KAT7: variants seen among roughly 807,000 people sequenced by gnomAD.
The protein encoded by KAT7 is histone acetyltransferase KAT7.
KAT7 carries 10 observed loss-of-function variants against 82.1 expected under a neutral mutation model. That is an observed-to-expected ratio of 0.12 (90% CI 0.08 to 0.21). The LOEUF (loss-of-function observed/expected upper bound fraction) is 0.21, where lower values mean the gene tolerates loss of function less well. Ranked by LOEUF, KAT7 falls within the 10% of genes least tolerant of loss-of-function variation. The probability of loss-of-function intolerance (pLI) is 1.00; values close to 1 mark genes in which losing one functional copy is unlikely to be tolerated. For missense variants in KAT7, 378 were observed against 760.9 expected (o/e 0.50, Z 5.92); for synonymous variants, 250 against 262.5 (o/e 0.95, Z 0.46).
intron 12 of KAT7, among the ~76,000 whole-genome samples, chr17:49,824,133 A>G (rs867817191): frequency 8.5e-5 from 13 of 152,194 alleles, no homozygotes; most frequent in African/African-American, 2.4e-4. Flanking sequence ...TGGTTGACCA[A>G]TATGTGACCA....
chr17:49,791,989 C>G lies in KAT7; in HGVS notation c.119C>G (p.Ala40Gly). The change falls in exon 2 of 15, where the codon GCT becomes GGT. Residue 40 changes from alanine to glycine, a missense_variant. Around this residue, in one of 6 missense-constraint regions of KAT7, gnomAD observed 161 missense variants for 229.6 expected, o/e 0.70. Coordinates refer to ENST00000259021, the MANE Select transcript of KAT7 (RefSeq NM_007067.5). ...SESDGTSRRS[A>G]RVTRSSARLS... The stretch of plus-strand genomic sequence containing the variant: ...AGTGATGGCACATCCCGACGATCTG[C>G]TCGAGTCACCCGCTCCTCAGCCAGG... 6.2e-7 allele frequency: 1 copy of G among 1,614,176 alleles called. No individual in the cohort carries two copies. The highest frequency in any genetic ancestry group is 8.5e-7 in the Non-Finnish European group (1 of 1,180,030).
chr17:49,815,773 C>G (rs983244954), intron 7 of KAT7, 30 bp from the exon 8 acceptor site: 2 of 1,261,036 alleles, frequency 1.6e-6, no homozygotes, highest in African/African-American at 2.9e-5. Context: ...CAGAGAGTAT[C>G]AGAGTATCAC....
intron 12 of KAT7, among the ~76,000 whole-genome samples, chr17:49,824,180 G>A (rs7218829): frequency 3.9e-5 from 6 of 152,112 alleles, no homozygotes; most frequent in African/African-American, 4.8e-5. Context: ...TGTATTTCCC[G>A]TAGGAGTAGT....
At chr17:49,805,592 G>T in intron 5 of KAT7, 147 bp downstream of exon 5, 1 of 491,020 alleles carries the variant, frequency 2.0e-6, no homozygotes. Context: ...AAAAAACAAT[G>T]TGCTTTTTTA....
chr17:49,825,278 G>T (rs757555051), intron 12 of KAT7, among the ~76,000 whole-genome samples: 1 of 152,130 alleles, frequency 6.6e-6, no homozygotes, highest in East Asian at 1.9e-4. Flanking sequence ...TTTACACCCC[G>T]CACTATCTCA....
intron 2 of KAT7, among the ~76,000 whole-genome samples, chr17:49,792,456 A>G (rs765842249): frequency 1.8e-4 from 28 of 151,880 alleles, no homozygotes; most frequent in Non-Finnish European, 3.8e-4. Context: ...TTAACTTTAC[A>G]GTGGTGCTAA....
In KAT7 at chr17:49,833,720, A is replaced by C. The variant is rs563319284; in HGVS notation, c.*6218A>C. The C allele has an allele frequency of 6.6e-6, 1 of 152,378 alleles. No homozygotes were observed. The highest frequency in any genetic ancestry group is 2.4e-5 in the African/African-American group (1 of 41,582). The allele number at this position is 152,378 out of a possible 1,614,324, so 9.4% of individuals were successfully genotyped here. The stretch of plus-strand genomic sequence containing the variant: ...TTCAACCCCGCCAGACTCCCAGCTG[A>C]ACGCACCCTCATGAGTGGCCCTTGC... On this transcript the variant is annotated 3_prime_UTR_variant, in exon 15 of 15. Transcript: ENST00000259021.
In KAT7 at chr17:49,797,253, C is replaced by T. The variant is rs182125771; in HGVS notation, c.340+327C>T. 2.3e-3 allele frequency among the ~76,000 whole-genome samples: 356 copies of T among 152,052 alleles called. 1 individual carries two copies. The highest frequency in any genetic ancestry group is 3.8e-3 in the Non-Finnish European group (260 of 68,000). On this transcript the variant is annotated intron_variant, in intron 3 of 14. Transcript: ENST00000259021. ...TAATTTTTTGTATTTTTAGTAGAGA[C>T]GGGGTTTCACTGTGTTAGTCAGGAT...
chr17:49,811,589 A>C lies in KAT7; in HGVS notation c.852+15A>C. The C allele has an allele frequency of 7.7e-7, 1 of 1,297,858 alleles. No individual in the cohort carries two copies. The highest frequency in any genetic ancestry group is 1.1e-6 in the Non-Finnish European group (1 of 945,276). The allele number at this position is 1,297,858 out of a possible 1,614,324, so 80.4% of individuals were successfully genotyped here. A position where few individuals can be genotyped will look rare whatever the true frequency, so the allele number is the denominator to read the frequency against. On this transcript the variant is annotated intron_variant, in intron 7 of 14. Transcript: ENST00000259021. ...AGAAATATATGGTGAGGGAAAGTTA[A>C]ATATTTAATGAGCATGAACTCCTGC...
At chr17:49,795,978 TAA>T (rs59446658) in intron 2 of KAT7, among the ~76,000 whole-genome samples, 4 of 149,016 alleles carry the variant, frequency 2.7e-5, no homozygotes, top group Non-Finnish European at 4.5e-5. Flanking sequence ...TGTCTCTTTA[TAA>T]AAAAAAAAGC....
rs2073982005 is a variant in KAT7 at position 49,798,341 on chromosome 17, T to C, written c.363T>C (p.His121=). The change falls in exon 4 of 15, where the codon CAT becomes CAC. Residue 121 remains histidine, a synonymous_variant. Transcript: ENST00000259021. ...SDRETKNTAD[H]DESPPRTPTG... ...TAGAAACTAAAAATACAGCTGATCA[T>C]GATGAGTCACCGCCTCGAACTCCAA... is the stretch of plus-strand genomic sequence containing the variant. The C allele has an allele frequency of 6.2e-7, 1 of 1,614,082 alleles. No homozygotes were observed. The highest frequency in any genetic ancestry group is 1.1e-5 in the South Asian group (1 of 91,088).
At chr17:49,813,396 A>G (rs893523962) in intron 7 of KAT7, among the ~76,000 whole-genome samples, 2 of 151,740 alleles carry the variant, frequency 1.3e-5, no homozygotes, top group African/African-American at 4.8e-5. Context: ...TTTTTCTGAC[A>G]TTTTAGTTTT....
Position 49,833,432 on chromosome 17 carries a change from A to T in KAT7, c.*5930A>T. On this transcript the variant is annotated 3_prime_UTR_variant, in exon 15 of 15. Transcript: ENST00000259021. ...ATCATCTCCAAAGATGGCCACCAAC[A>T]GTTGCTCTCATCCTCTGTGCACGTG... 1 of 152,358 alleles carries T rather than the reference A, an allele frequency of 6.6e-6. No individual in the cohort carries two copies. The highest frequency in any genetic ancestry group is 1.5e-5 in the Non-Finnish European group (1 of 68,030). The allele number at this position is 152,358 out of a possible 1,614,324, so 9.4% of individuals were successfully genotyped here.
intron 6 of KAT7, among the ~76,000 whole-genome samples, chr17:49,810,260 A>G (rs1404159177): frequency 6.6e-6 from 1 of 152,016 alleles, no homozygotes; most frequent in East Asian, 1.9e-4. Flanking sequence ...ATTTAATTTA[A>G]TTTATTTATT....
chr17:49,826,382 C>A, intron 13 of KAT7: 1 of 512,354 alleles, frequency 2.0e-6, no homozygotes, highest in Non-Finnish European at 3.5e-6. Flanking sequence ...AGAAGCAAAA[C>A]TTCAGATCGT....
At chr17:49,824,920 A>G (rs1204882633) in intron 12 of KAT7, among the ~76,000 whole-genome samples, 1 of 151,958 alleles carries the variant, frequency 6.6e-6, no homozygotes, top group Non-Finnish European at 1.5e-5. Context: ...AAGGTCTATT[A>G]CACCTTAAAA....
chr17:49,803,770 A>T (rs1471045525), intron 4 of KAT7, among the ~76,000 whole-genome samples: 1 of 152,134 alleles, frequency 6.6e-6, no homozygotes, highest in Non-Finnish European at 1.5e-5. Context: ...TGATGGCCTG[A>T]ATGTCCTAAA....
At position 49,802,687 on chromosome 17, in the gene KAT7, G is replaced by A. The variant is rs28619187; in HGVS notation, c.581-2676G>A. 1.8e-4 allele frequency among the ~76,000 whole-genome samples: 27 copies of A among 151,444 alleles called. 1 individual carries two copies. Among genetic ancestry groups the A allele is most frequent in the African/African-American group, 6.3e-4 (26 of 41,242 alleles). ...TCCATCTCAAAAAAAAAAAAAAGAC[G>A]TATGGATACATAGTATCTGAAAAGC... On this transcript the variant is annotated intron_variant, in intron 4 of 14. Transcript: ENST00000259021.
chr17:49,820,318 C>T (rs943748870), intron 9 of KAT7, among the ~76,000 whole-genome samples: 11 of 150,760 alleles, frequency 7.3e-5, no homozygotes, highest in African/African-American at 2.5e-4. Context: ...GACAGAGTCT[C>T]GCTCTGTCAC....
Sources: gnomAD v4.1 joint callset for allele counts (sites outside exome capture counted in the v4.1 genomes callset) on GRCh38, gnomAD v4.1.1 for gene constraint, gnomAD v4.1.1 regional missense constraint, MANE v1.5 for transcripts, NCBI Gene and HGNC (gene_info 2026-07-23, HGNC 2026-07-21) for gene names.